Variants in CADPS observed in about 807,000 individuals in gnomAD.
CADPS encodes the protein calcium-dependent secretion activator 1.
In CADPS, 57 loss-of-function variants were observed where a neutral mutation model predicts 167.3. The observed-to-expected ratio is 0.34, with a 90% CI of 0.28 to 0.42. The LOEUF is 0.42. CADPS is among the 20% of genes least tolerant of loss of function. CADPS has a pLI of 1.00. For missense variants in CADPS, 1,414 were observed against 1,738.1 expected (o/e 0.81, Z 3.32); for synonymous variants, 676 against 635.3 (o/e 1.06, Z -0.96).
intron 3 of CADPS, among the ~76,000 whole-genome samples, chr3:62,722,235 G>T (rs1372418314): frequency 6.6e-6 from 1 of 152,190 alleles, no homozygotes; most frequent in Non-Finnish European, 1.5e-5. Context: ...TAGGGAGAGG[G>T]GCTTCTTCCT....
intron 3 of CADPS, among the ~76,000 whole-genome samples, chr3:62,730,446 C>T (rs1000171974): frequency 2.6e-5 from 4 of 152,168 alleles, no homozygotes; most frequent in Admixed American, 1.3e-4. Context: ...TACTGAGCTC[C>T]TCTCAGCCCC....
chr3:62,530,275 T>C (rs1299885251), intron 13 of CADPS, among the ~76,000 whole-genome samples: 2 of 152,178 alleles, frequency 1.3e-5, no homozygotes, highest in African/African-American at 4.8e-5. Context: ...ATCTATTTTA[T>C]TTGCTCCTTA....
intron 17 of CADPS, among the ~76,000 whole-genome samples, chr3:62,501,977 T>C (rs2065848405): frequency 6.6e-6 from 1 of 152,212 alleles, no homozygotes; most frequent in South Asian, 2.1e-4. Context: ...CCTTTGCAAT[T>C]TTACTTGAAC....
At chr3:62,599,705 T>TA (rs2059487686) in intron 6 of CADPS, among the ~76,000 whole-genome samples, 1 of 26,962 alleles carries the variant, frequency 3.7e-5, no homozygotes, top group African/African-American at 1.5e-4. Context: ...AATATATATA[T>TA]TATATAATAT....
intron 10 of CADPS, 95 bp from the exon 11 acceptor site, chr3:62,550,210 T>C: frequency 1.1e-6 from 1 of 946,340 alleles, no homozygotes; most frequent in Non-Finnish European, 1.7e-6. Flanking sequence ...CTGCTTTTCC[T>C]TGGGACAGAA....
chr3:62,603,261 G>C (rs2060221028), intron 6 of CADPS, among the ~76,000 whole-genome samples: 1 of 152,206 alleles, frequency 6.6e-6, no homozygotes, highest in African/African-American at 2.4e-5. Context: ...CAAATGTGTG[G>C]AGATGAAATT....
At chr3:62,711,928 C>T (rs1479472059) in intron 3 of CADPS, among the ~76,000 whole-genome samples, 1 of 152,102 alleles carries the variant, frequency 6.6e-6, no homozygotes, top group Non-Finnish European at 1.5e-5. Context: ...CTTTTCAGTC[C>T]TTCTAAAACA....
At chr3:62,541,420 T>G (rs1338993341) in intron 11 of CADPS, among the ~76,000 whole-genome samples, 1 of 152,152 alleles carries the variant, frequency 6.6e-6, no homozygotes, top group Non-Finnish European at 1.5e-5. Flanking sequence ...GAGACTGACT[T>G]CAAACTAAGC....
At chr3:62,503,687 A>G (rs2066146404) in intron 17 of CADPS, among the ~76,000 whole-genome samples, 1 of 152,232 alleles carries the variant, frequency 6.6e-6, no homozygotes, top group African/African-American at 2.4e-5. Context: ...GTTGAATCAT[A>G]TATAAAAACT....
chr3:62,694,207 C>T (rs1031527809), intron 3 of CADPS, among the ~76,000 whole-genome samples: 1 of 152,042 alleles, frequency 6.6e-6, no homozygotes, highest in Non-Finnish European at 1.5e-5. Flanking sequence ...ATTAAGATAA[C>T]AATAACCTGG....
chr3:62,784,299 A>G (rs1469191964), intron 1 of CADPS, among the ~76,000 whole-genome samples: 2 of 152,160 alleles, frequency 1.3e-5, no homozygotes, highest in African/African-American at 4.8e-5. Context: ...TAAGGTACCA[A>G]TACATTATTT....
At chr3:62,638,527 AAAGGAAATGACCTACAGTCACTTAG>A (rs1298870667) in intron 6 of CADPS, among the ~76,000 whole-genome samples, 1 of 152,146 alleles carries the variant, frequency 6.6e-6, no homozygotes, top group East Asian at 1.9e-4. Flanking sequence ...GCTGAATCAG[AAAGGAAATGACCTACAGTCACTTAG>A]TCCTTAAGGG....
chr3:62,407,080 C>T (rs1708767633), intron 28 of CADPS, among the ~76,000 whole-genome samples: 1 of 152,132 alleles, frequency 6.6e-6, no homozygotes, highest in Admixed American at 6.6e-5. Flanking sequence ...CAGCATTTGG[C>T]ACATGATAAG....
chr3:62,448,615 C>CT (rs922460145), intron 26 of CADPS, among the ~76,000 whole-genome samples: 4 of 142,666 alleles, frequency 2.8e-5, no homozygotes, highest in African/African-American at 8.2e-5. Context: ...GGATATTGAA[C>CT]TTTTTTGGGG....
At chr3:62,870,893 C>T (rs895710586) in intron 1 of CADPS, among the ~76,000 whole-genome samples, 1 of 152,122 alleles carries the variant, frequency 6.6e-6, no homozygotes, top group Non-Finnish European at 1.5e-5. Context: ...GCCATGCCAA[C>T]TTCTAGGTAT....
intron 1 of CADPS, among the ~76,000 whole-genome samples, chr3:62,802,454 C>G (rs1369852109): frequency 6.6e-6 from 1 of 152,152 alleles, no homozygotes; most frequent in Non-Finnish European, 1.5e-5. Flanking sequence ...GAGCCACCTC[C>G]CACTCACCCC....
chr3:62,575,253 A>G (rs889969280), intron 8 of CADPS, among the ~76,000 whole-genome samples: 3 of 152,234 alleles, frequency 2.0e-5, no homozygotes, highest in Admixed American at 1.3e-4. Context: ...TTTCTTCATA[A>G]TAAAAACAAT....
intron 3 of CADPS, among the ~76,000 whole-genome samples, chr3:62,699,191 C>T (rs2080938724): frequency 6.6e-6 from 1 of 151,922 alleles, no homozygotes; most frequent in Non-Finnish European, 1.5e-5. Context: ...CTTAGCTTCC[C>T]CAGCTAACTT....
rs2058605609 is a variant in CADPS, at chr3:62,455,662, C to A, written c.3636+9705G>T. 6.6e-6 allele frequency among the ~76,000 whole-genome samples: 1 copy of A among 152,106 alleles called. No homozygotes were observed. The highest frequency in any genetic ancestry group is 2.4e-5 in the African/African-American group (1 of 41,430). ...TATTTTTGCGGATTTTAAGTGGGGGCCCCTGCCCCCTTCTGGCATTTTTGT... is the reference window on the plus strand; with the variant it reads ...TATTTTTGCGGATTTTAAGTGGGGGACCCTGCCCCCTTCTGGCATTTTTGT... On this transcript the variant is annotated intron_variant, in intron 26 of 29. Transcript: ENST00000383710. The surrounding 1 kb of genome is among the most constrained non-coding windows in gnomAD (Gnocchi z 4.4).
Sources: allele counts gnomAD v4.1 joint callset (sites outside exome capture counted in the v4.1 genomes callset), GRCh38; gene constraint gnomAD v4.1.1; non-coding constraint Gnocchi (gnomAD v3.1); transcripts MANE v1.5; gene names NCBI Gene and HGNC (gene_info 2026-07-23, HGNC 2026-07-21).